RNF144B: variants seen among roughly 807,000 people sequenced by gnomAD.
The protein encoded by RNF144B is ring finger protein 144B.
RNF144B carries 25 observed loss-of-function variants against 40.2 expected under a neutral mutation model. That is an observed-to-expected ratio of 0.62 (90% confidence interval 0.45 to 0.87). RNF144B has a LOEUF of 0.87. RNF144B is among the 40% of genes least tolerant of loss of function. The pLI, the probability that RNF144B is intolerant of heterozygous loss-of-function variation, is 0.00. For missense variants in RNF144B, 365 were observed against 373.7 expected (o/e 0.98, Z 0.19); for synonymous variants, 145 against 136.3 (o/e 1.06, Z -0.44).
rs1414582164 is a variant in RNF144B, at chr6:18,446,153, ACT to A, written c.331+6414_331+6415del. 1.3e-5 allele frequency among the ~76,000 whole-genome samples: 2 copies of A among 151,708 alleles called. No individual in the cohort carries two copies. The highest frequency in any genetic ancestry group is 3.9e-4 in the East Asian group (2 of 5,150). On this transcript the variant is annotated intron_variant, in intron 4 of 7. Coordinates refer to ENST00000259939, the MANE Select transcript of RNF144B (RefSeq NM_182757.4). The surrounding 1 kb of genome is among the most constrained non-coding windows in gnomAD (Gnocchi z 4.7). ...ATGCCAGGGCTGCTGATGTCTGATG[ACT>A]CTCTGCATTTTTTCTATTTCTACTA...
Position 18,446,270 on chromosome 6 carries a change from AT to A in RNF144B, c.331+6529del, listed in dbSNP as rs1759079599. On this transcript the variant is annotated intron_variant, in intron 4 of 7. Coordinates refer to ENST00000259939, the MANE Select transcript of RNF144B (RefSeq NM_182757.4). This position sits in a 1 kb window ranked among gnomAD's most constrained non-coding sequence, Gnocchi z 4.7. ...TAATGGGATACTGGAATTATAATACATTTCCTTAAAAAACCCAGCTCTTTTA... is the reference window on the plus strand; with the variant it reads ...TAATGGGATACTGGAATTATAATACATTCCTTAAAAAACCCAGCTCTTTTA... Among the ~76,000 whole-genome samples the A allele has an allele frequency of 6.7e-6, 1 of 149,152 alleles. No individual in the cohort carries two copies. Among genetic ancestry groups the A allele is most frequent in the African/African-American group, 2.4e-5 (1 of 41,152 alleles).
chr6:18,413,873 A>C (rs1488295663), intron 2 of RNF144B, among the ~76,000 whole-genome samples: 1 of 152,218 alleles, frequency 6.6e-6, no homozygotes, highest in Non-Finnish European at 1.5e-5. Context: ...TTTAATATGG[A>C]ATGATGTCTA....
Position 18,411,462 on chromosome 6 carries a change from C to CAT in RNF144B, c.165+11798_165+11799dup, listed in dbSNP as rs767477071. On this transcript the variant is annotated intron_variant, in intron 2 of 7. Transcript: ENST00000259939. Reference sequence around the variant, plus strand: ...AACCTCAAAAAGCATGTGCATGATTCATATATATATATATATATATATATA... The same window carrying CAT: ...AACCTCAAAAAGCATGTGCATGATTCATATATATATATATATATATATATATA... 3.5e-3 allele frequency among the ~76,000 whole-genome samples: 208 copies of CAT among 59,336 alleles called. 2 individuals are homozygous for CAT. Among genetic ancestry groups the CAT allele is most frequent in the African/African-American group, 9.4e-3 (131 of 13,906 alleles). The allele number at this position is 59,336 out of a possible 152,430, so 38.9% of individuals were successfully genotyped here.
Position 18,398,820 on chromosome 6 carries a change from C to T in RNF144B, c.-36-679C>T, listed in dbSNP as rs547866269. On this transcript the variant is annotated intron_variant, in intron 1 of 7. Coordinates refer to ENST00000259939, the MANE Select transcript of RNF144B (RefSeq NM_182757.4). The surrounding 1 kb of genome is among the most constrained non-coding windows in gnomAD (Gnocchi z 5.0). ...CTTTCAGTTCTTTTGGGTATATACC[C>T]GATTGCTGGATCATATGTTACCTCT... Among the ~76,000 whole-genome samples, 27 of 152,250 alleles carry T rather than the reference C, an allele frequency of 1.8e-4. No individual in the cohort carries two copies. In the South Asian group the frequency reaches 5.2e-3, roughly 29 times the overall value.
rs1272852315 is a variant in RNF144B at position 18,460,305 on chromosome 6, C to T, written c.681+554C>T. On this transcript the variant is annotated intron_variant, in intron 6 of 7. Coordinates refer to ENST00000259939, the MANE Select transcript of RNF144B (RefSeq NM_182757.4). This position sits in a 1 kb window ranked among gnomAD's most constrained non-coding sequence, Gnocchi z 4.4. The stretch of plus-strand genomic sequence containing the variant: ...ATCTCTCACTCCCTTCTTTCTTAGT[C>T]GTTGCTCCCTCTGACCACAGCTGGG... 1.3e-5 allele frequency among the ~76,000 whole-genome samples: 2 copies of T among 152,198 alleles called. No homozygotes were observed. The highest frequency in any genetic ancestry group is 6.5e-5 in the Admixed American group (1 of 15,284).
chr6:18,466,008 A>G lies in RNF144B; in HGVS notation c.*941A>G, dbSNP rs1161984367. ...ATTAAAGTGCGTATTATGTACATCT[A>G]GAATCCATGTGACTTGCAGCCTACC... On this transcript the variant is annotated 3_prime_UTR_variant, in exon 8 of 8. Coordinates refer to ENST00000259939, the MANE Select transcript of RNF144B (RefSeq NM_182757.4). The G allele has an allele frequency of 6.6e-6, 1 of 152,248 alleles. No individual in the cohort carries two copies. Among genetic ancestry groups the G allele is most frequent in the Admixed American group, 6.5e-5 (1 of 15,284 alleles). The allele number at this position is 152,248 out of a possible 1,614,324, so 9.4% of individuals were successfully genotyped here.
chr6:18,405,117 T>G lies in RNF144B; in HGVS notation c.165+5418T>G, dbSNP rs2147213. Among the ~76,000 whole-genome samples the G allele has an allele frequency of 1.3e-5, 2 of 151,100 alleles. No individual in the cohort carries two copies. Among genetic ancestry groups the G allele is most frequent in the Non-Finnish European group, 2.9e-5 (2 of 67,836 alleles). Reference sequence around the variant, plus strand: ...TATTATTCTGTTGGTTTCTGGTACCTAAATATGCTTGCTTGCAAGGTTAGT... The same window carrying G: ...TATTATTCTGTTGGTTTCTGGTACCGAAATATGCTTGCTTGCAAGGTTAGT... On this transcript the variant is annotated intron_variant, in intron 2 of 7. Transcript: ENST00000259939. The surrounding 1 kb of genome is among the most constrained non-coding windows in gnomAD (Gnocchi z 4.5).
chr6:18,415,982 C>T (rs1187495886), intron 2 of RNF144B, among the ~76,000 whole-genome samples: 5 of 152,108 alleles, frequency 3.3e-5, no homozygotes, highest in East Asian at 1.9e-4. Context: ...ATGCTGAATC[C>T]GTGGTATGCT....
chr6:18,409,185 C>T (rs542179446), intron 2 of RNF144B, among the ~76,000 whole-genome samples: 100 of 151,936 alleles, frequency 6.6e-4, no homozygotes, highest in African/African-American at 2.3e-3. Context: ...TGAGACCAGC[C>T]TAGCCACCAT....
At position 18,406,248 on chromosome 6, in the gene RNF144B, G is replaced by C. The variant is rs943096045; in HGVS notation, c.165+6549G>C. The C allele has an allele frequency of 2.1e-6, 1 of 482,526 alleles. No homozygotes were observed. The highest frequency in any genetic ancestry group is 2.0e-5 in the African/African-American group (1 of 50,552). 29.9% of individuals were successfully genotyped at this position (482,526 alleles called of 1,614,324 possible). A position where few individuals can be genotyped will look rare whatever the true frequency, so the allele number is the denominator to read the frequency against. On this transcript the variant is annotated intron_variant, in intron 2 of 7. Coordinates refer to ENST00000259939, the MANE Select transcript of RNF144B (RefSeq NM_182757.4). The surrounding 1 kb of genome is among the most constrained non-coding windows in gnomAD (Gnocchi z 4.2). Reference sequence around the variant, plus strand: ...GGTGAGGGGGGTCAGGAGTGCTGTGGGGAAGAGGGACTTCTACTTTATTAG... The same window carrying C: ...GGTGAGGGGGGTCAGGAGTGCTGTGCGGAAGAGGGACTTCTACTTTATTAG...
Position 18,466,909 on chromosome 6 carries a change from T to A in RNF144B, c.*1842T>A, listed in dbSNP as rs1008143191. ...ACATAGATGAGAACTCTGGGAAAAC[T>A]TGGGAATGGCAACCAACCAAAATCA... is the stretch of plus-strand genomic sequence containing the variant. On this transcript the variant is annotated 3_prime_UTR_variant, in exon 8 of 8. Coordinates refer to ENST00000259939, the MANE Select transcript of RNF144B (RefSeq NM_182757.4). 3 of 152,586 alleles carry A rather than the reference T, an allele frequency of 2.0e-5. No homozygotes were observed. Among genetic ancestry groups the A allele is most frequent in the African/African-American group, 7.2e-5 (3 of 41,458 alleles). 9.5% of individuals were successfully genotyped at this position (152,586 alleles called of 1,614,324 possible).
In RNF144B at chr6:18,412,152, T is replaced by C. The variant is rs1795060983; in HGVS notation, c.165+12453T>C. On this transcript the variant is annotated intron_variant, in intron 2 of 7. Transcript: ENST00000259939. The surrounding 1 kb of genome is among the most constrained non-coding windows in gnomAD (Gnocchi z 4.2). The stretch of plus-strand genomic sequence containing the variant: ...GCCTAACCAAAATAGATGTACATTT[T>C]AAATCAGTATGTGTTACCAAATTAC... Among the ~76,000 whole-genome samples the C allele has an allele frequency of 6.6e-6, 1 of 152,206 alleles. No individual in the cohort carries two copies. The highest frequency in any genetic ancestry group is 2.4e-5 in the African/African-American group (1 of 41,452).
At chr6:18,427,342 A>G (rs1758580817) in intron 2 of RNF144B, among the ~76,000 whole-genome samples, 1 of 152,112 alleles carries the variant, frequency 6.6e-6, no homozygotes. Context: ...ATGTGTGAGC[A>G]TAGGGAAATC....
chr6:18,389,218 C>T (rs1274807355), intron 1 of RNF144B, among the ~76,000 whole-genome samples: 2 of 152,156 alleles, frequency 1.3e-5, no homozygotes, highest in Admixed American at 1.3e-4. Flanking sequence ...AGTTCATTGG[C>T]AATTTAAAGG....
In RNF144B at chr6:18,464,486, G is replaced by C. The variant is rs1324545413; in HGVS notation, c.772-441G>C. Among the ~76,000 whole-genome samples, 1 of 152,198 alleles carries C rather than the reference G, an allele frequency of 6.6e-6. No individual in the cohort carries two copies. Among genetic ancestry groups the C allele is most frequent in the Non-Finnish European group, 1.5e-5 (1 of 68,040 alleles). On this transcript the variant is annotated intron_variant, in intron 7 of 7. Transcript: ENST00000259939. This position sits in a 1 kb window ranked among gnomAD's most constrained non-coding sequence, Gnocchi z 6.1. ...TTCTGTGTGCCTGAGATGATGTCTTGTTCAGGCTGCTATAACAAATGACCA... is the reference window on the plus strand; with the variant it reads ...TTCTGTGTGCCTGAGATGATGTCTTCTTCAGGCTGCTATAACAAATGACCA...
chr6:18,438,990 C>T (rs575946198), intron 3 of RNF144B, among the ~76,000 whole-genome samples: 47 of 152,178 alleles, frequency 3.1e-4, no homozygotes, highest in Non-Finnish European at 5.9e-4. Flanking sequence ...CTGCATCTGC[C>T]TTTAAAAATA....
At position 18,457,801 on chromosome 6, in the gene RNF144B, A is replaced by G. The variant is rs78693424; in HGVS notation, c.536+442A>G. Among the ~76,000 whole-genome samples, 424 of 152,350 alleles carry G rather than the reference A, an allele frequency of 2.8e-3. No individual in the cohort carries two copies. The highest frequency in any genetic ancestry group is 8.9e-3 in the African/African-American group (371 of 41,590). On this transcript the variant is annotated intron_variant, in intron 5 of 7. Transcript: ENST00000259939. The surrounding 1 kb of genome is among the most constrained non-coding windows in gnomAD (Gnocchi z 5.1). Reference sequence around the variant, plus strand: ...GTCATATTAGAAAGAACACAACAATAGAAACAACGGTCCTAAATTCTTTCA... The same window carrying G: ...GTCATATTAGAAAGAACACAACAATGGAAACAACGGTCCTAAATTCTTTCA...
intron 4 of RNF144B, among the ~76,000 whole-genome samples, chr6:18,454,197 G>T (rs1759278785): frequency 6.6e-6 from 1 of 152,064 alleles, no homozygotes; most frequent in South Asian, 2.1e-4. Flanking sequence ...TATCAAGGTG[G>T]AGATCCAGTC....
intron 1 of RNF144B, among the ~76,000 whole-genome samples, chr6:18,396,973 T>G (rs1794705570): frequency 6.6e-6 from 1 of 152,204 alleles, no homozygotes; most frequent in East Asian, 1.9e-4. Context: ...CGCTGTGTCT[T>G]GAACTTTATC....
Sources: allele counts gnomAD v4.1 joint callset (sites outside exome capture counted in the v4.1 genomes callset), GRCh38; gene constraint gnomAD v4.1.1; non-coding constraint Gnocchi (gnomAD v3.1); transcripts MANE v1.5; gene names NCBI Gene and HGNC (gene_info 2026-07-23, HGNC 2026-07-21).